Variants in NEB observed in about 807,000 individuals in gnomAD.
NEB encodes nemaline myopathy type 2.
Under a neutral mutation model 952.2 loss-of-function variants are expected in NEB, and 512 were observed. The ratio of observed to expected loss-of-function variants is 0.54; its 90% CI spans 0.50 to 0.58. The LOEUF (loss-of-function observed/expected upper bound fraction) is 0.58, where lower values mean the gene tolerates loss of function less well. NEB is among the 20% of genes least tolerant of loss of function. The probability of loss-of-function intolerance (pLI) is 0.00; values close to 1 mark genes in which losing one functional copy is unlikely to be tolerated. For synonymous variants in NEB, 2,900 were observed against 3,149.8 expected (o/e 0.92, Z 2.66); for missense variants, 8,428 against 9,231.1 (o/e 0.91, Z 3.56).
At chr2:151,642,548 G>GA (rs758521910) in intron 60 of NEB, 26 bp downstream of exon 60, 3 of 1,577,734 alleles carry the variant, frequency 1.9e-6, no homozygotes, top group Non-Finnish European at 2.6e-6. Flanking sequence ...CAAAGCTAAG[G>GA]CAAATAACTT....
chr2:151,561,010 G>A lies in NEB; in HGVS notation c.19200C>T (p.Tyr6400=), dbSNP rs762251090. The part of the protein sequence containing the change: ...YDRTRNLKNL[Y]SSNLYKEAWD... ...GAAAAAAAACTCAACTCACACTGCT[G>A]TAAAGATTCTTCAGGTTTCTGGTTC... The change falls in exon 123 of 182, where the codon TAC becomes TAT. Residue 6400 remains tyrosine, a synonymous_variant. Transcript: ENST00000397345. 4.4e-6 allele frequency: 7 copies of A among 1,599,488 alleles called. No individual in the cohort carries two copies. The highest frequency in any genetic ancestry group is 6.0e-6 in the Non-Finnish European group (7 of 1,168,410).
In NEB at chr2:151,515,012, A is replaced by C. The variant is rs185293492; in HGVS notation, c.22906-84T>G. ...TCCATCTCAGGAAGAAAAAAAAAAC[A>C]GCATTTTCTATGTATGGGCTCTTAA... On this transcript the variant is annotated intron_variant, in intron 157 of 181. Transcript: ENST00000397345. The C allele has an allele frequency of 5.7e-5, 47 of 826,666 alleles. No homozygotes were observed. In the African/African-American group the frequency reaches 7.6e-4, roughly 13 times the overall value. The allele number at this position is 826,666 out of a possible 1,614,324, so 51.2% of individuals were successfully genotyped here.
At chr2:151,545,510 G>C in intron 135 of NEB, among the ~76,000 whole-genome samples, 1 of 152,076 alleles carries the variant, frequency 6.6e-6, no homozygotes, top group East Asian at 1.9e-4. Context: ...AGGAGACAGA[G>C]GTTGCAGTGA....
At chr2:151,690,886 CAT>C (rs2099543841) in intron 23 of NEB, 61 bp from the exon 24 acceptor site, 2 of 1,251,958 alleles carry the variant, frequency 1.6e-6, no homozygotes, top group East Asian at 2.6e-5. Flanking sequence ...CATGCGCTAA[CAT>C]AAAAAATGGT....
intron 44 of NEB, 58 bp downstream of exon 44, chr2:151,664,443 G>A: frequency 7.8e-7 from 1 of 1,290,020 alleles, no homozygotes; most frequent in Non-Finnish European, 1.1e-6. Flanking sequence ...ATACACACAA[G>A]CTTAGCGCAT....
Position 151,524,370 on chromosome 2 carries a change from T to A in NEB, c.22420A>T (p.Ser7474Cys). The A allele has an allele frequency of 6.2e-7, 1 of 1,614,024 alleles. No homozygotes were observed. Among genetic ancestry groups the A allele is most frequent in the Middle Eastern group, 1.7e-4 (1 of 6,060 alleles). ...TCTATGTCTGGGCGACCGAGCATGC[T>A]TAAGCCATGGCTGCCTTCCTTGCGG... ...KHRKEGSHGL[S>C]MLGRPDIEMA... Residue 7474 changes from serine (S) to cysteine (C), a missense_variant, in exon 153 of 182, where the codon AGC becomes TGC. Physicochemically the swap from Ser to Cys is moderately radical, Grantham distance 112 (BLOSUM62 -1). Coordinates refer to ENST00000397345, the MANE Select transcript of NEB (RefSeq NM_001164508.2).
chr2:151,530,103 T>C (rs889051135), intron 145 of NEB, among the ~76,000 whole-genome samples: 2 of 152,142 alleles, frequency 1.3e-5, no homozygotes, highest in African/African-American at 2.4e-5. Context: ...GCAAAAACTG[T>C]TTATCATCCA....
intron 40 of NEB, 52 bp from the exon 41 acceptor site, chr2:151,666,453 T>C (rs138264765): frequency 2.6e-6 from 4 of 1,529,702 alleles, no homozygotes; most frequent in Non-Finnish European, 1.8e-6. Flanking sequence ...AAGTCTGATA[T>C]AAACTGAATT....
intron 181 of NEB, among the ~76,000 whole-genome samples, chr2:151,488,304 T>C (rs1574412284): frequency 1.3e-5 from 2 of 152,144 alleles, no homozygotes; most frequent in East Asian, 3.9e-4. Context: ...CAGACTTTTA[T>C]ACTTCTAGAT....
chr2:151,626,003 A>T (rs183358017), intron 70 of NEB, among the ~76,000 whole-genome samples: 1 of 152,172 alleles, frequency 6.6e-6, no homozygotes, highest in African/African-American at 2.4e-5. Context: ...AATCCTTCCC[A>T]TGATTTTATT....
intron 105 of NEB, among the ~76,000 whole-genome samples, chr2:151,577,667 C>T (rs2096924856): frequency 6.6e-6 from 1 of 152,188 alleles, no homozygotes; most frequent in Non-Finnish European, 1.5e-5. Flanking sequence ...CAACCTCTGC[C>T]TCCTAGGTTC....
intron 136 of NEB, 102 bp from the exon 137 acceptor site, chr2:151,540,903 T>A (rs2093953663): frequency 7.4e-6 from 7 of 944,812 alleles, no homozygotes; most frequent in Middle Eastern, 2.3e-4. Context: ...GAAGGTGGTA[T>A]CTGCTTACTG....
intron 102 of NEB, 22 bp from the exon 103 acceptor site, chr2:151,581,609 G>C: frequency 2.4e-6 from 2 of 821,254 alleles, no homozygotes; most frequent in South Asian, 3.0e-5. Context: ...GAAAAACGAT[G>C]GAATGGTCAA....
chr2:151,651,830 T>C (rs2099033112), intron 52 of NEB, among the ~76,000 whole-genome samples: 1 of 152,178 alleles, frequency 6.6e-6, no homozygotes, highest in South Asian at 2.1e-4. Flanking sequence ...AACTTCAACA[T>C]AAGCAATCTG....
In NEB at chr2:151,490,390, C is replaced by A; in HGVS notation, c.25279G>T (p.Val8427Phe). The A allele has an allele frequency of 6.3e-7, 1 of 1,591,472 alleles. No individual in the cohort carries two copies. Among genetic ancestry groups the A allele is most frequent in the Admixed American group, 1.7e-5 (1 of 57,610 alleles). Reference sequence around the variant, plus strand: ...CTTGTACCTGTTGAGACTGCAAAGACACCCCCGTCGCTGTAAGTCGAAAGG... The same window carrying A: ...CTTGTACCTGTTGAGACTGCAAAGAAACCCCCGTCGCTGTAAGTCGAAAGG... The part of the protein sequence containing the change: ...HHLSTYSDGG[V>F]FAVSTAYKHA... Residue 8427 changes from valine (V) to phenylalanine (F), a missense_variant, in exon 180 of 182, where the codon GTC becomes TTC. This residue lies in a region of NEB where 3,374 missense variants were observed against 3,651.5 expected (regional missense o/e 0.92). Transcript: ENST00000397345.
intron 71 of NEB, 102 bp from the exon 72 acceptor site, chr2:151,621,128 G>T: frequency 2.7e-6 from 2 of 754,006 alleles, no homozygotes; most frequent in Non-Finnish European, 4.6e-6. Context: ...AACTACATGA[G>T]TATGTTCAGC....
intron 124 of NEB, among the ~76,000 whole-genome samples, chr2:151,555,865 CACCGTTAAAAAA>C (rs895136802): frequency 9.8e-6 from 1 of 101,806 alleles, no homozygotes; most frequent in Non-Finnish European, 2.1e-5. Context: ...CATTTAAAGG[CACCGTTAAAAAA>C]AAAAAAAACA....
At chr2:151,704,827 G>A (rs955917262) in intron 13 of NEB, among the ~76,000 whole-genome samples, 4 of 152,126 alleles carry the variant, frequency 2.6e-5, no homozygotes, top group Admixed American at 6.5e-5. Context: ...CTTCTGCGTC[G>A]CTCGCTCACG....
At position 151,636,120 on chromosome 2, in the gene NEB, T is replaced by G. The variant is rs1433186388; in HGVS notation, c.9102+107A>C. The G allele has an allele frequency of 4.3e-6, 4 of 934,718 alleles. No individual in the cohort carries two copies. In the East Asian group the frequency reaches 1.1e-4, roughly 25 times the overall value. The allele number at this position is 934,718 out of a possible 1,614,324, so 57.9% of individuals were successfully genotyped here. A position where few individuals can be genotyped will look rare whatever the true frequency, so the allele number is the denominator to read the frequency against. On this transcript the variant is annotated intron_variant, in intron 64 of 181. Coordinates refer to ENST00000397345, the MANE Select transcript of NEB (RefSeq NM_001164508.2). ...TTTTGAAAAATCCTACACAAATATATCAGGATATATTTTCAAAGGTCCAGG... is the reference window on the plus strand; with the variant it reads ...TTTTGAAAAATCCTACACAAATATAGCAGGATATATTTTCAAAGGTCCAGG...
Sources: allele counts gnomAD v4.1 joint callset (sites outside exome capture counted in the v4.1 genomes callset), GRCh38; gene constraint gnomAD v4.1.1; regional missense constraint gnomAD v4.1.1; transcripts MANE v1.5; gene names NCBI Gene and HGNC (gene_info 2026-07-23, HGNC 2026-07-21).